Variants in MPHOSPH10 observed in about 807,000 individuals in gnomAD.
MPHOSPH10 encodes M-phase phosphoprotein 10, also known as U3 small nucleolar ribonucleoprotein MPP10.
A neutral mutation model predicts 77.3 loss-of-function variants in MPHOSPH10; 33 were observed. The ratio of observed to expected loss-of-function variants is 0.43; its 90% CI spans 0.32 to 0.57. MPHOSPH10 has a LOEUF of 0.57. MPHOSPH10 is among the 20% of genes least tolerant of loss of function. The probability of loss-of-function intolerance (pLI) is 0.07; values close to 1 mark genes in which losing one functional copy is unlikely to be tolerated. For synonymous variants in MPHOSPH10, 245 were observed against 268.0 expected (o/e 0.91, Z 0.84); for missense variants, 708 against 780.1 (o/e 0.91, Z 1.10).
At chr2:71,136,961 G>T (rs144040979) in intron 4 of MPHOSPH10, among the ~76,000 whole-genome samples, 3 of 111,550 alleles carry the variant, frequency 2.7e-5, no homozygotes, top group Non-Finnish European at 5.3e-5. Flanking sequence ...CACACACACA[G>T]AGCACAGTCT....
At chr2:71,141,950 T>C (rs1340698993) in intron 7 of MPHOSPH10, among the ~76,000 whole-genome samples, 3 of 152,086 alleles carry the variant, frequency 2.0e-5, no homozygotes, top group African/African-American at 7.2e-5. Flanking sequence ...GGGAATTGCT[T>C]GAACCAGGGA....
In MPHOSPH10 at chr2:71,133,962, C is replaced by T; in HGVS notation, c.783C>T (p.Ser261=). The T allele has an allele frequency of 5.1e-6, 8 of 1,562,604 alleles. No individual in the cohort carries two copies. Among genetic ancestry groups the T allele is most frequent in the Admixed American group, 3.8e-5 (2 of 52,580 alleles). Reference sequence around the variant, plus strand: ...TTTTATTTTAGTCAGGTAAAAGTTCCAGAAATCTGAAATACAAAGATTTTT... The same window carrying T: ...TTTTATTTTAGTCAGGTAAAAGTTCTAGAAATCTGAAATACAAAGATTTTT... ...GSKKLKSGKS[S]RNLKYKDFFD... The change falls in exon 3 of 11, where the codon TCC becomes TCT. Residue 261 remains serine, a synonymous_variant. Coordinates refer to ENST00000244230, the MANE Select transcript of MPHOSPH10 (RefSeq NM_005791.3).
chr2:71,139,678 G>C (rs143074818), intron 5 of MPHOSPH10, 117 bp from the exon 6 acceptor site: 9,929 of 675,488 alleles, frequency 0.015, 98 homozygotes, highest in Non-Finnish European at 0.02. Context: ...GGGTGGCCCA[G>C]GAATTTGCAT....
intron 8 of MPHOSPH10, among the ~76,000 whole-genome samples, chr2:71,145,233 T>C (rs1257757473): frequency 2.0e-5 from 3 of 152,194 alleles, no homozygotes; most frequent in African/African-American, 4.8e-5. Context: ...TGTACCATCC[T>C]TTGGTACTTG....
intron 9 of MPHOSPH10, chr2:71,148,798 C>A: frequency 5.3e-6 from 1 of 188,838 alleles, no homozygotes; most frequent in East Asian, 1.5e-4. Context: ...AGATGTTTCC[C>A]TTCCCTTCCT....
chr2:71,136,834 G>T (rs1673500506), intron 4 of MPHOSPH10, among the ~76,000 whole-genome samples: 1 of 141,138 alleles, frequency 7.1e-6, no homozygotes. Context: ...AAAGAATAAA[G>T]TAGAACTTTC....
intron 1 of MPHOSPH10, chr2:71,130,961 A>T (rs1208188770): frequency 3.6e-6 from 2 of 563,044 alleles, no homozygotes; most frequent in Non-Finnish European, 6.3e-6. Flanking sequence ...GTTGAGTGTT[A>T]CTGAAATCAC....
chr2:71,138,657 C>CA, intron 5 of MPHOSPH10, 26 bp downstream of exon 5: 1 of 1,613,898 alleles, frequency 6.2e-7, no homozygotes, highest in Non-Finnish European at 8.5e-7. Flanking sequence ...CTGTAGTTTT[C>CA]ATGTCTGTGC....
At chr2:71,143,592 C>T (rs1209812803) in intron 7 of MPHOSPH10, among the ~76,000 whole-genome samples, 13 of 152,120 alleles carry the variant, frequency 8.5e-5, no homozygotes, top group Non-Finnish European at 1.6e-4. Flanking sequence ...CAATAAAGCC[C>T]CATACGCATT....
At chr2:71,130,799 G>C (rs1309269628) in intron 1 of MPHOSPH10, 45 bp downstream of exon 1, 2 of 1,549,134 alleles carry the variant, frequency 1.3e-6, no homozygotes, top group South Asian at 2.3e-5. Context: ...GGGGTCTCAC[G>C]TGGACGCGGG....
At chr2:71,146,170 A>T (rs1271689027) in intron 8 of MPHOSPH10, among the ~76,000 whole-genome samples, 1 of 152,196 alleles carries the variant, frequency 6.6e-6, no homozygotes, top group Non-Finnish European at 1.5e-5. Flanking sequence ...AAGTGAATGT[A>T]TATGTGTCTA....
chr2:71,141,713 G>A (rs984147453), intron 7 of MPHOSPH10, among the ~76,000 whole-genome samples: 1 of 151,972 alleles, frequency 6.6e-6, no homozygotes, highest in African/African-American at 2.4e-5. Flanking sequence ...CTGATTTTTA[G>A]GTCTGTTTTT....
Position 71,147,489 on chromosome 2 carries a change from C to G in MPHOSPH10, c.1558-510C>G, listed in dbSNP as rs377342228. The stretch of plus-strand genomic sequence containing the variant: ...GAGATCCAGATCATCCTGGCTAACA[C>G]GGTGAAACCCCATCTCTACTAAAAA... On this transcript the variant is annotated intron_variant, in intron 8 of 10. Transcript: ENST00000244230. Among the ~76,000 whole-genome samples, 6 of 152,072 alleles carry G rather than the reference C, an allele frequency of 3.9e-5. No homozygotes were observed. In the South Asian group the frequency reaches 8.3e-4, roughly 21 times the overall value.
intron 8 of MPHOSPH10, among the ~76,000 whole-genome samples, chr2:71,145,420 T>C (rs1673687701): frequency 6.6e-6 from 1 of 152,194 alleles, no homozygotes; most frequent in African/African-American, 2.4e-5. Flanking sequence ...CCTTTATTAT[T>C]AGTTGATGGC....
At chr2:71,136,574 G>T (rs1031583399) in intron 4 of MPHOSPH10, among the ~76,000 whole-genome samples, 13 of 150,246 alleles carry the variant, frequency 8.7e-5, no homozygotes, top group Non-Finnish European at 1.3e-4. Context: ...AATATCAAAA[G>T]AATTGTTTTT....
chr2:71,149,461 C>A lies in MPHOSPH10; in HGVS notation c.1896+8C>A, dbSNP rs550835263. The A allele has an allele frequency of 1.9e-5, 30 of 1,606,208 alleles. No homozygotes were observed. In the Admixed American group the frequency reaches 4.3e-4, roughly 23 times the overall value. The stretch of plus-strand genomic sequence containing the variant: ...AAAGCTTCCTTCATAAAGGTAAGGA[C>A]AAGGGAAAGAAAACTGCTCAAGGGG... On this transcript the variant is annotated splice_region_variant and intron_variant, in intron 10 of 10. Transcript: ENST00000244230.
At chr2:71,146,759 C>G (rs1673717843) in intron 8 of MPHOSPH10, among the ~76,000 whole-genome samples, 1 of 152,156 alleles carries the variant, frequency 6.6e-6, no homozygotes, top group Non-Finnish European at 1.5e-5. Flanking sequence ...TTCTTTCACA[C>G]TCTCATTTTT....
intron 4 of MPHOSPH10, among the ~76,000 whole-genome samples, chr2:71,136,911 AAAACAC>A (rs1382675183): frequency 1.3e-5 from 1 of 78,110 alleles, no homozygotes; most frequent in Non-Finnish European, 2.4e-5. Context: ...AGGTAGCATT[AAAACAC>A]ACACACACAC....
intron 7 of MPHOSPH10, among the ~76,000 whole-genome samples, chr2:71,142,560 A>C (rs1355011869): frequency 6.6e-6 from 1 of 152,232 alleles, no homozygotes; most frequent in Non-Finnish European, 1.5e-5. Context: ...CTAGAAGTGA[A>C]ATGATGGTAA....
Sources: allele counts gnomAD v4.1 joint callset (sites outside exome capture counted in the v4.1 genomes callset), GRCh38; gene constraint gnomAD v4.1.1; transcripts MANE v1.5; gene names NCBI Gene and HGNC (gene_info 2026-07-23, HGNC 2026-07-21).